The following TMEFF1 variants were observed in gnomAD, a reference collection of about 807,000 sequenced individuals.
TMEFF1 encodes tomoregulin-1.
TMEFF1 carries 20 observed loss-of-function variants against 47.5 expected under a neutral mutation model. That is an observed-to-expected ratio of 0.42 (90% CI 0.30 to 0.61). TMEFF1 has a LOEUF of 0.61. Among genes scored for constraint, TMEFF1 ranks in the 20% least tolerant of loss-of-function variants. The pLI, the probability that TMEFF1 is intolerant of heterozygous loss-of-function variation, is 0.19. For synonymous variants in TMEFF1, 162 were observed against 166.3 expected (o/e 0.97, Z 0.20); for missense variants, 411 against 471.1 (o/e 0.87, Z 1.18).
intron 5 of TMEFF1, among the ~76,000 whole-genome samples, chr9:100,543,455 T>C (rs1379314287): frequency 1.3e-5 from 2 of 152,182 alleles, no homozygotes; most frequent in Non-Finnish European, 2.9e-5. Context: ...TATTACTTAG[T>C]TGTGGGTATG....
Position 100,473,475 on chromosome 9 carries a change from C to T in TMEFF1, c.-70C>T, listed in dbSNP as rs1431107422. 2.5e-6 allele frequency: 3 copies of T among 1,197,642 alleles called. No homozygotes were observed. The highest frequency in any genetic ancestry group is 3.2e-6 in the Non-Finnish European group (3 of 946,704). The allele number at this position is 1,197,642 out of a possible 1,614,324, so 74.2% of individuals were successfully genotyped here. ...AGGAGGCACCGAGGCAGCGGCGGGGCTCTGGGCGCGCGGCTGGATGCCCCC... is the reference window on the plus strand; with the variant it reads ...AGGAGGCACCGAGGCAGCGGCGGGGTTCTGGGCGCGCGGCTGGATGCCCCC... On this transcript the variant is annotated 5_prime_UTR_variant, in exon 1 of 10. Coordinates refer to ENST00000374879, the MANE Select transcript of TMEFF1 (RefSeq NM_003692.5). The surrounding 1 kb of genome is among the most constrained non-coding windows in gnomAD (Gnocchi z 5.4).
At chr9:100,568,274 A>C (rs1259548250) in intron 8 of TMEFF1, among the ~76,000 whole-genome samples, 2 of 152,228 alleles carry the variant, frequency 1.3e-5, no homozygotes, top group Non-Finnish European at 1.5e-5. Context: ...CTGCATATCT[A>C]GGACATTGTT....
At chr9:100,492,242 C>T (rs922508080) in intron 1 of TMEFF1, among the ~76,000 whole-genome samples, 4 of 152,178 alleles carry the variant, frequency 2.6e-5, no homozygotes, top group Non-Finnish European at 5.9e-5. Flanking sequence ...CAGTTTTAAT[C>T]CCTTTAAAAA....
chr9:100,526,480 G>A (rs540453610), intron 5 of TMEFF1, among the ~76,000 whole-genome samples: 68 of 151,266 alleles, frequency 4.5e-4, no homozygotes, highest in African/African-American at 1.6e-3. Context: ...TGTACTTTTT[G>A]AGAAATTTCT....
At chr9:100,488,243 A>G (rs1837487210) in intron 1 of TMEFF1, among the ~76,000 whole-genome samples, 1 of 152,196 alleles carries the variant, frequency 6.6e-6, no homozygotes, top group Non-Finnish European at 1.5e-5. Context: ...TTTTCACAAT[A>G]GGTCTTAGTT....
chr9:100,546,715 A>G (rs1480592360), intron 5 of TMEFF1, among the ~76,000 whole-genome samples: 2 of 152,196 alleles, frequency 1.3e-5, no homozygotes, highest in South Asian at 4.1e-4. Context: ...ATGTTTGTCC[A>G]GTGTTTTTTG....
intron 1 of TMEFF1, among the ~76,000 whole-genome samples, chr9:100,476,144 A>G (rs1837223695): frequency 6.6e-6 from 1 of 151,056 alleles, no homozygotes; most frequent in Non-Finnish European, 1.5e-5. Flanking sequence ...TCTAGCAGTA[A>G]GATATACTTG....
intron 7 of TMEFF1, among the ~76,000 whole-genome samples, chr9:100,556,178 C>G (rs565820888): frequency 2.9e-4 from 44 of 152,148 alleles, no homozygotes; most frequent in Non-Finnish European, 5.0e-4. Context: ...CTTGTACTTA[C>G]TTGTTTGTTT....
intron 1 of TMEFF1, among the ~76,000 whole-genome samples, chr9:100,483,412 G>T (rs1008357523): frequency 1.5e-4 from 23 of 152,222 alleles, no homozygotes; most frequent in Admixed American, 1.3e-3. Flanking sequence ...CAGGAGAATC[G>T]CTTGAACCTG....
Position 100,539,725 on chromosome 9 carries a change from G to A in TMEFF1, c.561-8019G>A, listed in dbSNP as rs144074859. On this transcript the variant is annotated intron_variant, in intron 5 of 9. Transcript: ENST00000374879. The stretch of plus-strand genomic sequence containing the variant: ...AACAAAGCTTCCACAGCGTGGAAGG[G>A]TACCTGAGCGGGTTGCCACTGCTGG... Among the ~76,000 whole-genome samples the A allele has an allele frequency of 1.8e-3, 280 of 152,286 alleles. 1 individual carries two copies. The highest frequency in any genetic ancestry group is 4.4e-3 in the South Asian group (21 of 4,820).
chr9:100,509,902 T>C (rs1837932000), intron 3 of TMEFF1, among the ~76,000 whole-genome samples: 2 of 152,244 alleles, frequency 1.3e-5, no homozygotes, highest in South Asian at 4.1e-4. Context: ...TCATCTTTTT[T>C]TTCCTTCCAG....
chr9:100,505,665 T>C (rs1409992736), intron 2 of TMEFF1, among the ~76,000 whole-genome samples: 1 of 152,190 alleles, frequency 6.6e-6, no homozygotes, highest in Non-Finnish European at 1.5e-5. Flanking sequence ...TTTGCAGTAC[T>C]TCAGGCATCC....
Position 100,572,691 on chromosome 9 carries a change from A to G in TMEFF1, c.1058+15A>G, listed in dbSNP as rs954444173. The G allele has an allele frequency of 1.9e-6, 3 of 1,588,500 alleles. No individual in the cohort carries two copies. Among genetic ancestry groups the G allele is most frequent in the Non-Finnish European group, 2.6e-6 (3 of 1,168,182 alleles). ...TGCATAACAAGGTAGGTAATGATGT[A>G]AGAAATATCAACTTTAAATTAGAGG... On this transcript the variant is annotated intron_variant, in intron 9 of 9. Transcript: ENST00000374879.
chr9:100,559,115 T>C (rs1325312779), intron 7 of TMEFF1, among the ~76,000 whole-genome samples: 1 of 152,150 alleles, frequency 6.6e-6, no homozygotes, highest in Non-Finnish European at 1.5e-5. Flanking sequence ...CACAAGCAGC[T>C]AGATTATTAA....
At position 100,547,958 on chromosome 9, in the gene TMEFF1, C is replaced by T; in HGVS notation, c.709+66C>T. Reference sequence around the variant, plus strand: ...TTGTATAAATGTAATCTTATTTGTACATTTGGTAGTGTTTCAAATTTGTAA... The same window carrying T: ...TTGTATAAATGTAATCTTATTTGTATATTTGGTAGTGTTTCAAATTTGTAA... On this transcript the variant is annotated intron_variant, in intron 6 of 9. Transcript: ENST00000374879. 2.2e-6 allele frequency: 3 copies of T among 1,338,738 alleles called. No individual in the cohort carries two copies. The South Asian group carries it at 7.6e-5, about 34-fold the overall frequency. 82.9% of individuals were successfully genotyped at this position (1,338,738 alleles called of 1,614,324 possible). A position where few individuals can be genotyped will look rare whatever the true frequency, so the allele number is the denominator to read the frequency against.
At chr9:100,503,710 G>A (rs12238560) in intron 2 of TMEFF1, among the ~76,000 whole-genome samples, 6,677 of 152,224 alleles carry the variant, frequency 0.044, 323 homozygotes, top group South Asian at 0.22. Flanking sequence ...CTGAAGGCCT[G>A]GGCACCAGGA....
chr9:100,479,398 A>AT (rs1314533685), intron 1 of TMEFF1, among the ~76,000 whole-genome samples: 2 of 152,156 alleles, frequency 1.3e-5, no homozygotes, highest in African/African-American at 2.4e-5. Context: ...ACAAGATAGG[A>AT]TTTTTTAAAA....
chr9:100,507,651 T>A (rs1238402060), intron 2 of TMEFF1, among the ~76,000 whole-genome samples: 1 of 152,204 alleles, frequency 6.6e-6, no homozygotes, highest in Non-Finnish European at 1.5e-5. Flanking sequence ...TATGTCTTCT[T>A]TTGAGAAGTG....
intron 1 of TMEFF1, among the ~76,000 whole-genome samples, chr9:100,486,316 TAC>T (rs1178549513): frequency 1.3e-5 from 2 of 152,172 alleles, no homozygotes; most frequent in Non-Finnish European, 2.9e-5. Context: ...GATCTCGGCT[TAC>T]TGCAACCTCT....
Sources: allele counts gnomAD v4.1 joint callset (sites outside exome capture counted in the v4.1 genomes callset), GRCh38; gene constraint gnomAD v4.1.1; non-coding constraint Gnocchi (gnomAD v3.1); transcripts MANE v1.5; gene names NCBI Gene and HGNC (gene_info 2026-07-23, HGNC 2026-07-21).